TDRD1: variants seen among roughly 807,000 people sequenced by gnomAD.
TDRD1 encodes the protein tudor domain-containing protein 1.
A neutral mutation model predicts 140.6 loss-of-function variants in TDRD1; 37 were observed. The observed-to-expected ratio is 0.26, with a 90% CI of 0.20 to 0.35. TDRD1 has a LOEUF of 0.35. Ranked by LOEUF, TDRD1 falls within the 10% of genes least tolerant of loss-of-function variation. The pLI, the probability that TDRD1 is intolerant of heterozygous loss-of-function variation, is 1.00. For synonymous variants in TDRD1, 506 were observed against 475.7 expected, an observed-to-expected ratio of 1.06 and a Z score of -0.83; for missense variants, 1,243 against 1,393.0, an observed-to-expected ratio of 0.89 and a Z score of 1.71.
chr10:114,222,511 C>G, intron 20 of TDRD1, 76 bp from the exon 21 acceptor site: 1 of 716,088 alleles, frequency 1.4e-6, no homozygotes, highest in Non-Finnish European at 2.3e-6. Context: ...ATTGATTAGA[C>G]TTGCCATTCT....
chr10:114,226,229 G>C lies in TDRD1; in HGVS notation c.3175+13G>C, dbSNP rs771196663. 36 of 1,583,522 alleles carry C rather than the reference G, an allele frequency of 2.3e-5. No individual in the cohort carries two copies. Among genetic ancestry groups the C allele is most frequent in the Admixed American group, 3.7e-5 (2 of 54,258 alleles). Reference sequence around the variant, plus strand: ...TGTTCACTTGAAGGTAGACAGCTAAGTCACTTTCCAATTTAGGTTTCTGGG... The same window carrying C: ...TGTTCACTTGAAGGTAGACAGCTAACTCACTTTCCAATTTAGGTTTCTGGG... On this transcript the variant is annotated intron_variant, in intron 22 of 25. Coordinates refer to ENST00000251864, the Ensembl canonical transcript of TDRD1.
At chr10:114,200,671 GCAC>G (rs1327960950) in intron 4 of TDRD1, among the ~76,000 whole-genome samples, 2 of 151,826 alleles carry the variant, frequency 1.3e-5, no homozygotes, top group Non-Finnish European at 2.9e-5. Context: ...CTACAGGTGC[GCAC>G]CACCACACTG....
At chr10:114,232,377 C>T (rs185182825), downstream of TDRD1, 24 of 151,692 alleles carry the variant, frequency 1.6e-4, no homozygotes, top group East Asian at 3.7e-3. Flanking sequence ...TCCTAAACCA[C>T]GCATATGCAG....
rs545149465 is a variant in TDRD1 at position 114,210,937 on chromosome 10, A to G, written c.1630A>G (p.Ile544Val). The G allele has an allele frequency of 7.4e-6, 12 of 1,614,102 alleles. No homozygotes were observed. In the East Asian group the frequency reaches 2.5e-4, roughly 33 times the overall value. The change falls in exon 13 of 26, where the codon ATT (isoleucine) becomes GTT (valine). Residue 544 changes from isoleucine (I) to valine (V), a missense_variant. Transcript: ENST00000251864. ...TCCACGCTCTGATTTTTATCCAGCCATTGGTGATATATGTTGTGCTCAGTT... is the reference window on the plus strand; with the variant it reads ...TCCACGCTCTGATTTTTATCCAGCCGTTGGTGATATATGTTGTGCTCAGTT...
chr10:114,228,649 G>A (rs1196956182), intron 25 of TDRD1: 1 of 985,260 alleles, frequency 1.0e-6, no homozygotes, highest in Non-Finnish European at 1.2e-6. Flanking sequence ...TTTTGGCTGT[G>A]GTGATTCTAG....
At chr10:114,227,683 CAA>C (rs1258422662) in intron 23 of TDRD1, among the ~76,000 whole-genome samples, 1 of 152,146 alleles carries the variant, frequency 6.6e-6, no homozygotes, top group African/African-American at 2.4e-5. Flanking sequence ...TGGCCTCAAT[CAA>C]AAAGAGAGAT....
At position 114,212,324 on chromosome 10, in the gene TDRD1, T is replaced by C. The variant is rs139191347; in HGVS notation, c.1831+288T>C. 7.1e-3 allele frequency among the ~76,000 whole-genome samples: 1,075 copies of C among 152,294 alleles called. 4 individuals carry two copies. Among genetic ancestry groups the C allele is most frequent in the Middle Eastern group, 0.01 (3 of 294 alleles). ...CCTCAGGCTGTGTTGCAAGATATAG[T>C]TATATCCCAAAATACTTCCTTAGGC... On this transcript the variant is annotated intron_variant, in intron 14 of 25. Transcript: ENST00000251864.
At chr10:114,191,463 A>G (rs1435798286) in intron 3 of TDRD1, among the ~76,000 whole-genome samples, 2 of 152,202 alleles carry the variant, frequency 1.3e-5, no homozygotes, top group African/African-American at 4.8e-5. Flanking sequence ...AATATTATAT[A>G]AAAGGCTACA....
chr10:114,220,062 T>C (rs1397251078), intron 18 of TDRD1, among the ~76,000 whole-genome samples: 1 of 152,214 alleles, frequency 6.6e-6, no homozygotes, highest in African/African-American at 2.4e-5. Context: ...CAGTCTGTGT[T>C]TTAACAAGGC....
Position 114,218,125 on chromosome 10 carries a change from T to C in TDRD1, c.2324-289T>C, listed in dbSNP as rs926949740. On this transcript the variant is annotated intron_variant, in intron 17 of 25. Coordinates refer to ENST00000251864, the Ensembl canonical transcript of TDRD1. ...CAAAACTGACAAGTATATTCAAGTCTTATCTTCACCTTCACATTCTGTTTA... is the reference window on the plus strand; with the variant it reads ...CAAAACTGACAAGTATATTCAAGTCCTATCTTCACCTTCACATTCTGTTTA... 2.7e-4 allele frequency among the ~76,000 whole-genome samples: 41 copies of C among 152,230 alleles called. 1 individual carries two copies. Among genetic ancestry groups the C allele is most frequent in the Admixed American group, 2.7e-3 (41 of 15,276 alleles).
At chr10:114,189,160 A>G (rs2033777143) in intron 2 of TDRD1, among the ~76,000 whole-genome samples, 1 of 152,244 alleles carries the variant, frequency 6.6e-6, no homozygotes, top group Non-Finnish European at 1.5e-5. Flanking sequence ...AAGGAAAACC[A>G]GAAATGCCAA....
chr10:114,204,332 T>C, intron 9 of TDRD1, 116 bp downstream of exon 9: 1 of 1,156,726 alleles, frequency 8.6e-7, no homozygotes, highest in Non-Finnish European at 1.2e-6. Flanking sequence ...ACCTGTACTA[T>C]GTAAATAAAC....
chr10:114,212,236 A>G (rs10510000), intron 14 of TDRD1, among the ~76,000 whole-genome samples, 200 bp downstream of exon 14: 23,929 of 152,142 alleles, frequency 0.16, 2,029 homozygotes, highest in Middle Eastern at 0.21. Flanking sequence ...CAAACGTACC[A>G]TAATTTAGAA....
At chr10:114,196,031 G>T (rs560573515) in intron 3 of TDRD1, among the ~76,000 whole-genome samples, 2 of 152,074 alleles carry the variant, frequency 1.3e-5, no homozygotes, top group South Asian at 4.1e-4. Context: ...ACCCATTTAC[G>T]TCTTACATAT....
intron 1 of TDRD1, among the ~76,000 whole-genome samples, chr10:114,183,131 GTC>G (rs1329693466): frequency 2.0e-5 from 3 of 152,276 alleles, no homozygotes; most frequent in African/African-American, 7.2e-5. Context: ...AGATATAACT[GTC>G]TATAGGTAAC....
chr10:114,179,911 C>T (rs1386518029), intron 1 of TDRD1: 1 of 152,176 alleles, frequency 6.6e-6, no homozygotes, highest in East Asian at 1.9e-4. Flanking sequence ...TGCTGGGCTT[C>T]TGAACTAAGG....
chr10:114,182,459 C>T (rs905230861), intron 1 of TDRD1, among the ~76,000 whole-genome samples: 4 of 152,082 alleles, frequency 2.6e-5, no homozygotes, highest in African/African-American at 7.2e-5. Context: ...GTGAGTCTAA[C>T]GCGGATGTTG....
intron 1 of TDRD1, among the ~76,000 whole-genome samples, chr10:114,181,132 T>G (rs1252839704): frequency 1.3e-5 from 2 of 152,194 alleles, no homozygotes; most frequent in African/African-American, 4.8e-5. Context: ...ATGAGTCACT[T>G]TCAGTCCACT....
upstream of TDRD1, among the ~76,000 whole-genome samples, chr10:114,177,828 CTTTTTCTTTTTTT>C (rs1186537809): frequency 7.0e-6 from 1 of 143,778 alleles, no homozygotes; most frequent in Non-Finnish European, 1.5e-5. Context: ...TTCTTTCTTT[CTTTTTCTTTTTTT>C]TTTTTTTTTT....
Sources: allele counts gnomAD v4.1 joint callset (sites outside exome capture counted in the v4.1 genomes callset), GRCh38; gene constraint gnomAD v4.1.1; transcripts MANE v1.5; gene names NCBI Gene and HGNC (gene_info 2026-07-23, HGNC 2026-07-21).